Variants in RAP1GAP observed in about 807,000 individuals in gnomAD.
The protein encoded by RAP1GAP is RAP1 GTPase activating protein, also known as rap1 GTPase-activating protein 1.
Under a neutral mutation model 87.2 loss-of-function variants are expected in RAP1GAP, and 35 were observed. The ratio of observed to expected loss-of-function variants is 0.40; its 90% CI spans 0.31 to 0.53. The LOEUF is 0.53. Among genes scored for constraint, RAP1GAP ranks in the 20% least tolerant of loss-of-function variants. RAP1GAP has a pLI of 0.48. For synonymous variants in RAP1GAP, 375 were observed against 363.9 expected (o/e 1.03, Z -0.35); for missense variants, 734 against 898.9 (o/e 0.82, Z 2.35).
intron 18 of RAP1GAP, among the ~76,000 whole-genome samples, chr1:21,604,067 G>A (rs1439431905): frequency 1.3e-5 from 2 of 152,078 alleles, no homozygotes; most frequent in Non-Finnish European, 2.9e-5. Context: ...GAGGCAATGG[G>A]AGAGATAGGG....
Position 21,626,363 on chromosome 1 carries a change from C to A in RAP1GAP, c.-78G>T. On this transcript the variant is annotated 5_prime_UTR_variant, in exon 3 of 25. Transcript: ENST00000374765. ...AAGTTCACTCGTGACAGGTCTAGTGCCTGAGGGAAGTGCTGGTTCTGCCCA... is the reference window on the plus strand; with the variant it reads ...AAGTTCACTCGTGACAGGTCTAGTGACTGAGGGAAGTGCTGGTTCTGCCCA... 6.2e-7 allele frequency: 1 copy of A among 1,613,306 alleles called. No homozygotes were observed. The highest frequency in any genetic ancestry group is 1.1e-5 in the South Asian group (1 of 91,074).
intron 6 of RAP1GAP, 87 bp from the exon 7 acceptor site, chr1:21,617,578 T>A (rs2083074347): frequency 5.6e-6 from 8 of 1,424,918 alleles, no homozygotes; most frequent in Non-Finnish European, 6.7e-6. Flanking sequence ...CTGGAGCCGC[T>A]TCTGTCGTGG....
In RAP1GAP at chr1:21,613,834, G is replaced by A. The variant is rs2080093400; in HGVS notation, c.396-128C>T. 8.7e-7 allele frequency: 1 copy of A among 1,148,386 alleles called. No homozygotes were observed. The highest frequency in any genetic ancestry group is 1.9e-5 in the Admixed American group (1 of 52,168). The allele number at this position is 1,148,386 out of a possible 1,614,324, so 71.1% of individuals were successfully genotyped here. A position where few individuals can be genotyped will look rare whatever the true frequency, so the allele number is the denominator to read the frequency against. ...GGACCAGAGGTGATGATGGGTGTCA[G>A]GCTGACTCGGGTACTAACTTGCTGT... On this transcript the variant is annotated intron_variant, in intron 8 of 24. Transcript: ENST00000374765. The surrounding 1 kb of genome is among the most constrained non-coding windows in gnomAD (Gnocchi z 4.7).
intron 1 of RAP1GAP, among the ~76,000 whole-genome samples, chr1:21,659,475 C>G (rs2097020866): frequency 6.6e-6 from 1 of 152,124 alleles, no homozygotes; most frequent in Non-Finnish European, 1.5e-5. Flanking sequence ...CGCCCTCTCC[C>G]CGGCGCCAGG....
At position 21,613,133 on chromosome 1, in the gene RAP1GAP, TACTC is replaced by T; in HGVS notation, c.528+39_528+42del. The T allele has an allele frequency of 6.6e-7, 1 of 1,517,842 alleles. No homozygotes were observed. The highest frequency in any genetic ancestry group is 9.2e-7 in the Non-Finnish European group (1 of 1,092,576). The allele number at this position is 1,517,842 out of a possible 1,614,324, so 94.0% of individuals were successfully genotyped here. A position where few individuals can be genotyped will look rare whatever the true frequency, so the allele number is the denominator to read the frequency against. ...CTTAATAAATGCTCAGTCTTCCAGT[TACTC>T]ACCCACCCTCAGTGAGCTGTGCCCA... On this transcript the variant is annotated intron_variant, in intron 10 of 24. Transcript: ENST00000374765. The surrounding 1 kb of genome is among the most constrained non-coding windows in gnomAD (Gnocchi z 4.7).
chr1:21,655,641 G>C (rs955302558), intron 1 of RAP1GAP, among the ~76,000 whole-genome samples: 1 of 152,224 alleles, frequency 6.6e-6, no homozygotes, highest in African/African-American at 2.4e-5. Flanking sequence ...AACAGTGCCA[G>C]GCTGCTTTCC....
chr1:21,623,432 T>C (rs898968595), intron 3 of RAP1GAP, among the ~76,000 whole-genome samples: 1 of 152,200 alleles, frequency 6.6e-6, no homozygotes, highest in Non-Finnish European at 1.5e-5. Flanking sequence ...CAGACAGATG[T>C]TGGGAACACA....
At chr1:21,651,661 A>T in intron 1 of RAP1GAP, 1 of 1,042,678 alleles carries the variant, frequency 9.6e-7, no homozygotes, top group Non-Finnish European at 1.4e-6. Flanking sequence ...CAGCCCCCAC[A>T]GCAGTCATAG....
At chr1:21,616,556 C>T (rs2082297832) in intron 7 of RAP1GAP, among the ~76,000 whole-genome samples, 1 of 152,244 alleles carries the variant, frequency 6.6e-6, no homozygotes, top group Admixed American at 6.5e-5. Flanking sequence ...GAGCCCACGA[C>T]ACACTTCCCC....
chr1:21,601,721 T>C lies in RAP1GAP; in HGVS notation c.1615A>G (p.Thr539Ala). The change falls in exon 20 of 25, where the codon ACT (threonine) becomes GCT (alanine). Residue 539 changes from threonine (T) to alanine (A), a missense_variant. By Grantham distance (58) the Thr-to-Ala change is moderately conservative (BLOSUM62 0). Around this residue, in one of 2 missense-constraint regions of RAP1GAP, gnomAD observed 249 missense variants for 252.7 expected, o/e 0.99. Transcript: ENST00000374765. The stretch of plus-strand genomic sequence containing the variant: ...GTGGGCATCTCTGGGGAGCTCTGAG[T>C]GGATGAGTTCTCCGACTTGGGCTCC... ...SQEPKSENSS[T>A]QSSPEMPTTK... is the part of the protein sequence containing the mutation. 1 of 1,612,184 alleles carries C rather than the reference T, an allele frequency of 6.2e-7. No homozygotes were observed. The highest frequency in any genetic ancestry group is 8.5e-7 in the Non-Finnish European group (1 of 1,178,782).
In RAP1GAP at chr1:21,669,082, G is replaced by A. The variant is rs2097493667; in HGVS notation, c.-149+172C>T. On this transcript the variant is annotated intron_variant, in intron 1 of 24. Transcript: ENST00000374765. The surrounding 1 kb of genome is among the most constrained non-coding windows in gnomAD (Gnocchi z 5.6). Reference sequence around the variant, plus strand: ...AGCTGCTGTCAAGACCGGGCTGCGCGAGCCCAGCTGCGCCCACCCCTCGCC... The same window carrying A: ...AGCTGCTGTCAAGACCGGGCTGCGCAAGCCCAGCTGCGCCCACCCCTCGCC... Among the ~76,000 whole-genome samples, 1 of 151,822 alleles carries A rather than the reference G, an allele frequency of 6.6e-6. No individual in the cohort carries two copies. Among genetic ancestry groups the A allele is most frequent in the Non-Finnish European group, 1.5e-5 (1 of 67,872 alleles).
chr1:21,664,932 A>G (rs1282803749), intron 1 of RAP1GAP, among the ~76,000 whole-genome samples: 1 of 152,166 alleles, frequency 6.6e-6, no homozygotes, highest in Non-Finnish European at 1.5e-5. Flanking sequence ...GAGGCAGGCA[A>G]ATAAAAGCTC....
chr1:21,647,258 C>A (rs565681599), intron 2 of RAP1GAP, among the ~76,000 whole-genome samples: 1 of 152,046 alleles, frequency 6.6e-6, no homozygotes, highest in Non-Finnish European at 1.5e-5. Flanking sequence ...CTCAGGAGTT[C>A]GAGACCTGAC....
At chr1:21,626,749 T>C (rs1029979042) in intron 2 of RAP1GAP, among the ~76,000 whole-genome samples, 5 of 152,136 alleles carry the variant, frequency 3.3e-5, no homozygotes, top group Middle Eastern at 3.2e-3. Flanking sequence ...GCCTCTACAA[T>C]GGACCCCTCC....
Position 21,613,285 on chromosome 1 carries a change from G to GCCCCC in RAP1GAP, c.475-57_475-56insGGGGG. On this transcript the variant is annotated intron_variant, in intron 9 of 24. Transcript: ENST00000374765. This position sits in a 1 kb window ranked among gnomAD's most constrained non-coding sequence, Gnocchi z 4.7. Reference sequence around the variant, plus strand: ...GTGTGGGGCCAGGGAGGAGAGGATGGGGCTGCCTGGGCCTCCCTGGTCAAG... The same window carrying GCCCCC: ...GTGTGGGGCCAGGGAGGAGAGGATGGCCCCCGGCTGCCTGGGCCTCCCTGGTCAAG... 7.0e-7 allele frequency: 1 copy of GCCCCC among 1,422,378 alleles called. No homozygotes were observed. Among genetic ancestry groups the GCCCCC allele is most frequent in the Non-Finnish European group, 9.9e-7 (1 of 1,005,892 alleles). 88.1% of individuals were successfully genotyped at this position (1,422,378 alleles called of 1,614,324 possible).
chr1:21,598,894 G>C (rs1423643701), intron 21 of RAP1GAP, among the ~76,000 whole-genome samples: 1 of 152,266 alleles, frequency 6.6e-6, no homozygotes, highest in Non-Finnish European at 1.5e-5. Context: ...GTTCCCAGCT[G>C]TATCTGTTGT....
intron 2 of RAP1GAP, among the ~76,000 whole-genome samples, chr1:21,628,634 C>T (rs1328581079): frequency 7.3e-5 from 11 of 151,470 alleles, no homozygotes; most frequent in South Asian, 6.3e-4. Context: ...GCAGGAGAAT[C>T]GCTTGAACCC....
intron 1 of RAP1GAP, among the ~76,000 whole-genome samples, chr1:21,650,425 T>C (rs1264599941): frequency 6.6e-6 from 1 of 151,882 alleles, no homozygotes. Context: ...CCAGGACGCA[T>C]GTGTGGGTAG....
intron 2 of RAP1GAP, among the ~76,000 whole-genome samples, chr1:21,638,013 T>C (rs1279541786): frequency 2.8e-5 from 4 of 140,490 alleles, no homozygotes; most frequent in African/African-American, 1.1e-4. Context: ...TAGCCGGGTA[T>C]GGTGGTGCAT....
Sources: gnomAD v4.1 joint callset for allele counts (sites outside exome capture counted in the v4.1 genomes callset) on GRCh38, gnomAD v4.1.1 for gene constraint, gnomAD v4.1.1 regional missense constraint, Gnocchi (gnomAD v3.1) non-coding constraint, MANE v1.5 for transcripts, NCBI Gene and HGNC (gene_info 2026-07-23, HGNC 2026-07-21) for gene names.